GRIK1: variants seen among roughly 807,000 people sequenced by gnomAD.
The protein encoded by GRIK1 is glutamate ionotropic receptor kainate type subunit 1.
GRIK1 carries 69 observed loss-of-function variants against 105.7 expected under a neutral mutation model. The observed-to-expected ratio is 0.65, with a 90% CI of 0.54 to 0.80. GRIK1 has a LOEUF of 0.80. Among genes scored for constraint, GRIK1 ranks in the 30% least tolerant of loss-of-function variants. The pLI, the probability that GRIK1 is intolerant of heterozygous loss-of-function variation, is 0.00. For missense variants in GRIK1, 1,109 were observed against 1,167.3 expected, an observed-to-expected ratio of 0.95 and a Z score of 0.73; for synonymous variants, 438 against 431.3, an observed-to-expected ratio of 1.02 and a Z score of -0.19.
intron 1 of GRIK1, among the ~76,000 whole-genome samples, chr21:29,790,387 A>C (rs2066381078): frequency 6.6e-6 from 1 of 152,066 alleles, no homozygotes; most frequent in Non-Finnish European, 1.5e-5. Flanking sequence ...ATTACCAGTA[A>C]GAAGGCCCAA....
chr21:29,666,229 C>G (rs144295358), intron 4 of GRIK1, among the ~76,000 whole-genome samples: 2,075 of 152,242 alleles, frequency 0.014, 59 homozygotes, highest in African/African-American at 0.048. Context: ...CATAGAGAAA[C>G]CCCATCTCTA....
chr21:29,547,804 T>C (rs2090071593), intron 16 of GRIK1, among the ~76,000 whole-genome samples: 1 of 152,254 alleles, frequency 6.6e-6, no homozygotes, highest in Non-Finnish European at 1.5e-5. Context: ...AAGAGACTTT[T>C]GCAAATCACT....
Position 29,581,517 on chromosome 21 carries a change from G to C in GRIK1, c.1820C>G (p.Pro607Arg). ...ARFTPYEWYN[P>R]HPCNPDSDVV... ...GTCTGAGTCAGGGTTGCATGGGTGG[G>C]GGTTATACCACTCGTAGGGTGTAAA... The change falls in exon 13 of 18, where the codon CCC (proline) becomes CGC (arginine). Residue 607 changes from proline to arginine, a missense_variant. Physicochemically the swap from Pro to Arg is moderately radical, Grantham distance 103 (BLOSUM62 -2). This residue lies in a region of GRIK1 where 264 missense variants were observed against 306.9 expected (regional missense o/e 0.86). Transcript: ENST00000327783. The C allele has an allele frequency of 6.2e-7, 1 of 1,606,894 alleles. No individual in the cohort carries two copies. Among genetic ancestry groups the C allele is most frequent in the South Asian group, 1.1e-5 (1 of 90,918 alleles).
At chr21:29,891,627 C>A (rs1010461220) in intron 1 of GRIK1, among the ~76,000 whole-genome samples, 4 of 152,136 alleles carry the variant, frequency 2.6e-5, no homozygotes, top group African/African-American at 9.7e-5. Context: ...AAGCATTGAG[C>A]TTGTCGGAAC....
At chr21:29,701,788 G>C (rs181435518) in intron 1 of GRIK1, among the ~76,000 whole-genome samples, 19 of 152,276 alleles carry the variant, frequency 1.2e-4, no homozygotes, top group Non-Finnish European at 1.9e-4. Context: ...TGATGGCTTT[G>C]TACAAATTAG....
chr21:29,641,665 T>C (rs939330236), intron 7 of GRIK1, among the ~76,000 whole-genome samples: 4 of 152,216 alleles, frequency 2.6e-5, no homozygotes, highest in Non-Finnish European at 5.9e-5. Flanking sequence ...CTTAATCTTG[T>C]GCAAGTATAG....
intron 14 of GRIK1, among the ~76,000 whole-genome samples, chr21:29,573,302 G>C (rs1906649773): frequency 6.6e-6 from 1 of 152,198 alleles, no homozygotes; most frequent in African/African-American, 2.4e-5. Context: ...TCAGGGAGCA[G>C]CAGTTGTGAA....
At position 29,587,383 on chromosome 21, in the gene GRIK1, T is replaced by G; in HGVS notation, c.1776A>C (p.Val592=). Residue 592 remains valine (V), a synonymous_variant, in exon 12 of 18, where the codon GTA becomes GTC. Coordinates refer to ENST00000327783, the MANE Select transcript of GRIK1 (RefSeq NM_001330994.2). ...VLLACLGVSC[V]LFVIARFTPY... ...AAACTTACCTTGCAATCACAAAGAG[T>G]ACACAGCTGACTCCCAAGCAGGCTA... is the stretch of plus-strand genomic sequence containing the variant. 1.2e-6 allele frequency: 2 copies of G among 1,608,234 alleles called. No individual in the cohort carries two copies. Among genetic ancestry groups the G allele is most frequent in the Non-Finnish European group, 1.7e-6 (2 of 1,174,850 alleles).
chr21:29,874,654 C>G (rs1043149211), intron 1 of GRIK1, among the ~76,000 whole-genome samples: 7 of 152,152 alleles, frequency 4.6e-5, no homozygotes, highest in African/African-American at 1.7e-4. Flanking sequence ...ATTAATATAA[C>G]ATGATTTGGG....
chr21:29,775,553 C>T (rs1219372063), intron 1 of GRIK1, among the ~76,000 whole-genome samples: 1 of 152,104 alleles, frequency 6.6e-6, no homozygotes, highest in African/African-American at 2.4e-5. Flanking sequence ...TATTTCCCTG[C>T]CAGCCCTCAC....
At chr21:29,750,366 C>T (rs1040034978) in intron 1 of GRIK1, among the ~76,000 whole-genome samples, 1 of 151,362 alleles carries the variant, frequency 6.6e-6, no homozygotes, top group Non-Finnish European at 1.5e-5. Flanking sequence ...AAAGGAAAGA[C>T]AAGCCAACCA....
At chr21:29,923,035 G>A (rs1222595055) in intron 1 of GRIK1, among the ~76,000 whole-genome samples, 1 of 152,120 alleles carries the variant, frequency 6.6e-6, no homozygotes, top group Non-Finnish European at 1.5e-5. Context: ...TGCCATTTGT[G>A]TGTGTTTATG....
intron 1 of GRIK1, among the ~76,000 whole-genome samples, chr21:29,761,863 C>T (rs1045585857): frequency 6.6e-6 from 1 of 151,896 alleles, no homozygotes; most frequent in East Asian, 1.9e-4. Context: ...TTCTCTGCCT[C>T]AGCCTCCTGA....
chr21:29,745,488 T>C lies in GRIK1; in HGVS notation c.119-51425A>G, dbSNP rs1443799967. Among the ~76,000 whole-genome samples, 39 of 152,216 alleles carry C rather than the reference T, an allele frequency of 2.6e-4. 1 individual carries two copies. Among genetic ancestry groups the C allele is most frequent in the Admixed American group, 2.5e-3 (38 of 15,282 alleles). ...CAGATAACTTTGGGTAACTGATAGATAACTTAGCAATAGATTGCTAGCAAT... is the reference window on the plus strand; with the variant it reads ...CAGATAACTTTGGGTAACTGATAGACAACTTAGCAATAGATTGCTAGCAAT... On this transcript the variant is annotated intron_variant, in intron 1 of 17. Coordinates refer to ENST00000327783, the MANE Select transcript of GRIK1 (RefSeq NM_001330994.2).
chr21:29,721,682 C>CA (rs2064327221), intron 1 of GRIK1, among the ~76,000 whole-genome samples: 1 of 151,574 alleles, frequency 6.6e-6, no homozygotes, highest in Non-Finnish European at 1.5e-5. Flanking sequence ...CACAAGCAAA[C>CA]AAAAAACTAC....
intron 14 of GRIK1, among the ~76,000 whole-genome samples, chr21:29,574,885 G>A (rs7276451): frequency 0.011 from 1,632 of 151,506 alleles, 32 homozygotes; most frequent in African/African-American, 0.038. Context: ...TAGTAGAGAC[G>A]GGGTTTCACC....
Position 29,886,585 on chromosome 21 carries a change from TA to T in GRIK1, c.118+52797del, listed in dbSNP as rs1046762258. Reference sequence around the variant, plus strand: ...CTGTAGGGAATTACAACTTCGTACTTAAAAAAAAAGTATCTTGTTGTGTGTA... The same window carrying T: ...CTGTAGGGAATTACAACTTCGTACTTAAAAAAAAGTATCTTGTTGTGTGTA... On this transcript the variant is annotated intron_variant, in intron 1 of 17. Transcript: ENST00000327783. 9.2e-4 allele frequency among the ~76,000 whole-genome samples: 140 copies of T among 151,530 alleles called. 1 individual carries two copies. Among genetic ancestry groups the T allele is most frequent in the African/African-American group, 2.6e-3 (109 of 41,376 alleles).
At chr21:29,919,190 G>T (rs1262287476) in intron 1 of GRIK1, among the ~76,000 whole-genome samples, 2 of 152,116 alleles carry the variant, frequency 1.3e-5, no homozygotes, top group East Asian at 3.9e-4. Flanking sequence ...AGCTGTTCCT[G>T]TCTTCCAAGC....
At chr21:29,795,953 T>C (rs923705009) in intron 1 of GRIK1, among the ~76,000 whole-genome samples, 2 of 152,196 alleles carry the variant, frequency 1.3e-5, no homozygotes, top group Non-Finnish European at 2.9e-5. Flanking sequence ...ACTTCTTCAA[T>C]TCATTTGCCT....
Sources: gnomAD v4.1 joint callset for allele counts (sites outside exome capture counted in the v4.1 genomes callset) on GRCh38, gnomAD v4.1.1 for gene constraint, gnomAD v4.1.1 regional missense constraint, MANE v1.5 for transcripts, NCBI Gene and HGNC (gene_info 2026-07-23, HGNC 2026-07-21) for gene names.